The following RABGAP1 variants were observed in gnomAD, a reference collection of about 807,000 sequenced individuals.
RABGAP1 encodes rab GTPase-activating protein 1.
In RABGAP1, 23 loss-of-function variants were observed where a neutral mutation model predicts 137.6. The observed-to-expected ratio is 0.17, with a 90% confidence interval of 0.12 to 0.24. RABGAP1 has a LOEUF of 0.24. Ranked by LOEUF, RABGAP1 falls within the 10% of genes least tolerant of loss-of-function variation. The probability of loss-of-function intolerance (pLI) is 1.00; values close to 1 mark genes in which losing one functional copy is unlikely to be tolerated. For missense variants in RABGAP1, 906 were observed against 1,275.8 expected, an observed-to-expected ratio of 0.71 and a Z score of 4.42; for synonymous variants, 451 against 450.7, an observed-to-expected ratio of 1.00 and a Z score of -0.01.
At chr9:123,052,896 C>T (rs902677621) in intron 13 of RABGAP1, among the ~76,000 whole-genome samples, 3 of 152,308 alleles carry the variant, frequency 2.0e-5, no homozygotes, top group South Asian at 4.1e-4. Context: ...GCCAAGATCA[C>T]GCCACTGCAC....
At chr9:122,974,010 C>CAAA (rs1438468247) in intron 2 of RABGAP1, among the ~76,000 whole-genome samples, 18 of 149,866 alleles carry the variant, frequency 1.2e-4, no homozygotes, top group Non-Finnish European at 1.9e-4. Context: ...CGTCTCAAAC[C>CAAA]AAAAAAAAAA....
At chr9:123,056,331 T>C (rs1313657762) in intron 13 of RABGAP1, among the ~76,000 whole-genome samples, 2 of 152,200 alleles carry the variant, frequency 1.3e-5, no homozygotes, top group African/African-American at 4.8e-5. Flanking sequence ...AGAAGGAGCA[T>C]AGGACAAGTA....
chr9:123,036,404 T>C (rs1477278597), intron 13 of RABGAP1, among the ~76,000 whole-genome samples: 2 of 152,238 alleles, frequency 1.3e-5, no homozygotes, highest in East Asian at 1.9e-4. Context: ...AATATCTGAA[T>C]TGTTAGATTT....
In RABGAP1 at chr9:123,065,480, A is replaced by G. The variant is rs937240616; in HGVS notation, c.1908+19A>G. 1.3e-6 allele frequency: 2 copies of G among 1,523,344 alleles called. No homozygotes were observed. The highest frequency in any genetic ancestry group is 1.8e-6 in the Non-Finnish European group (2 of 1,097,564). The allele number at this position is 1,523,344 out of a possible 1,614,324, so 94.4% of individuals were successfully genotyped here. On this transcript the variant is annotated intron_variant, in intron 14 of 25. Coordinates refer to ENST00000373647, the MANE Select transcript of RABGAP1 (RefSeq NM_012197.4). ...ATGCAAGGTATTTCATGTCAAAAAA[A>G]AAAAGGACTCAATTCTGAGTGGTGG...
chr9:122,981,822 G>A (rs953577851), intron 2 of RABGAP1, among the ~76,000 whole-genome samples: 2 of 152,204 alleles, frequency 1.3e-5, no homozygotes, highest in African/African-American at 4.8e-5. Flanking sequence ...GCCAAGGTGG[G>A]TGGATCACTT....
intron 21 of RABGAP1, among the ~76,000 whole-genome samples, chr9:123,093,573 C>T (rs553600370): frequency 2.4e-4 from 37 of 152,362 alleles, no homozygotes; most frequent in African/African-American, 7.7e-4. Flanking sequence ...GATTGCTGAA[C>T]TTGCCCCATT....
At chr9:123,034,567 A>G in intron 13 of RABGAP1, 1 of 1,589,378 alleles carries the variant, frequency 6.3e-7, no homozygotes, top group Non-Finnish European at 8.6e-7. Context: ...TGAGCTCAAG[A>G]TGAACTCCAC....
chr9:123,077,258 TC>T (rs1271275607), intron 19 of RABGAP1, among the ~76,000 whole-genome samples: 1 of 151,562 alleles, frequency 6.6e-6, no homozygotes, highest in African/African-American at 2.4e-5. Flanking sequence ...CAAGCGGTCC[TC>T]TCACCTCAGC....
At chr9:123,026,773 C>T (rs1455813231) in intron 13 of RABGAP1, among the ~76,000 whole-genome samples, 1 of 152,190 alleles carries the variant, frequency 6.6e-6, no homozygotes, top group Non-Finnish European at 1.5e-5. Context: ...TTCCCGGCTT[C>T]CAGAATCCTC....
chr9:122,979,212 T>C lies in RABGAP1; in HGVS notation c.151-5273T>C, dbSNP rs116209670. On this transcript the variant is annotated intron_variant, in intron 2 of 25. Transcript: ENST00000373647. The stretch of plus-strand genomic sequence containing the variant: ...TGCGCCCAGACTATAGTCATTCTTA[T>C]AAGGGTATAGAGGCATCCTATTATA... 5.4e-3 allele frequency among the ~76,000 whole-genome samples: 829 copies of C among 152,332 alleles called. 8 individuals are homozygous for C. The highest frequency in any genetic ancestry group is 0.019 in the African/African-American group (790 of 41,590).
chr9:122,947,174 G>A (rs1475938184), intron 1 of RABGAP1, among the ~76,000 whole-genome samples: 1 of 152,160 alleles, frequency 6.6e-6, no homozygotes, highest in Non-Finnish European at 1.5e-5. Context: ...TAGGGAAATT[G>A]TGACACATGC....
In RABGAP1 at chr9:123,103,108, A is replaced by G. The variant is rs1391779489; in HGVS notation, c.3105A>G (p.Leu1035=). 1 of 1,613,932 alleles carries G rather than the reference A, an allele frequency of 6.2e-7. No homozygotes were observed. Among genetic ancestry groups the G allele is most frequent in the Non-Finnish European group, 8.5e-7 (1 of 1,179,958 alleles). ...TCTTGCAGGACTTGGAACACCATTT[A>G]GGGCTTGCCCTCAATGAGGTGCAGG... is the stretch of plus-strand genomic sequence containing the variant. ...ECKIQDLEHH[L]GLALNEVQAA... is the part of the protein sequence containing the mutation. The change falls in exon 26 of 26, where the codon TTA becomes TTG. Residue 1035 remains leucine, a synonymous_variant. Transcript: ENST00000373647.
intron 14 of RABGAP1, among the ~76,000 whole-genome samples, chr9:123,066,086 G>A (rs1278340502): frequency 1.3e-5 from 2 of 152,126 alleles, no homozygotes; most frequent in African/African-American, 4.8e-5. Flanking sequence ...CCTCCCAAAA[G>A]TAATCAAGTA....
At chr9:123,071,836 A>C (rs2034365384) in intron 15 of RABGAP1, among the ~76,000 whole-genome samples, 1 of 152,172 alleles carries the variant, frequency 6.6e-6, no homozygotes, top group African/African-American at 2.4e-5. Context: ...AGTGAATGGT[A>C]CAGTATACAG....
intron 2 of RABGAP1, among the ~76,000 whole-genome samples, chr9:122,968,751 A>G (rs1203954571): frequency 6.6e-6 from 1 of 151,934 alleles, no homozygotes; most frequent in Non-Finnish European, 1.5e-5. Flanking sequence ...AGTAGCTGGG[A>G]TTACAGGTGT....
At chr9:123,074,861 T>G (rs2034463861) in intron 17 of RABGAP1, among the ~76,000 whole-genome samples, 1 of 152,192 alleles carries the variant, frequency 6.6e-6, no homozygotes, top group Non-Finnish European at 1.5e-5. Flanking sequence ...AGAGGGTGCC[T>G]CCTCTGTTTT....
At chr9:122,952,564 G>A (rs1258755512) in intron 1 of RABGAP1, among the ~76,000 whole-genome samples, 1 of 152,014 alleles carries the variant, frequency 6.6e-6, no homozygotes, top group East Asian at 1.9e-4. Flanking sequence ...CACTGTGCCT[G>A]GCTGATAAAT....
chr9:123,014,276 A>G (rs1235496313), intron 11 of RABGAP1, among the ~76,000 whole-genome samples: 1 of 152,156 alleles, frequency 6.6e-6, no homozygotes, highest in Non-Finnish European at 1.5e-5. Flanking sequence ...ATAATCTCTA[A>G]CTTCTGACTT....
rs1188480184 is a variant in RABGAP1, at chr9:122,990,796, AATATATATATATATATATATAT to A, written c.923+602_923+623del. 135 of 27,756 alleles carry A rather than the reference AATATATATATATATATATATAT, an allele frequency of 4.9e-3. 4 individuals carry two copies. The highest frequency in any genetic ancestry group is 0.015 in the African/African-American group (128 of 8,516). 1.7% of individuals were successfully genotyped at this position (27,756 alleles called of 1,614,324 possible). ...AAAAAAAAAAAAAAAAAAAAAAAAA[AATATATATATATATATATATAT>A]ATATATATATATATATATGGCCAAA... On this transcript the variant is annotated intron_variant, in intron 6 of 25. Coordinates refer to ENST00000373647, the MANE Select transcript of RABGAP1 (RefSeq NM_012197.4).
Sources: gnomAD v4.1 joint callset for allele counts (sites outside exome capture counted in the v4.1 genomes callset) on GRCh38, gnomAD v4.1.1 for gene constraint, MANE v1.5 for transcripts, NCBI Gene and HGNC (gene_info 2026-07-23, HGNC 2026-07-21) for gene names.